ARPC1A: variants seen among roughly 807,000 people sequenced by gnomAD.
The protein encoded by ARPC1A is actin-related protein 2/3 complex subunit 1A.
Under a neutral mutation model 46.9 loss-of-function variants are expected in ARPC1A, and 8 were observed. The ratio of observed to expected loss-of-function variants is 0.17; its 90% CI spans 0.10 to 0.31. The LOEUF (loss-of-function observed/expected upper bound fraction) is 0.31. Among genes scored for constraint, ARPC1A ranks in the 10% least tolerant of loss-of-function variants. The pLI is 1.00. For synonymous variants in ARPC1A, 152 were observed against 169.0 expected (o/e 0.90, Z 0.78); for missense variants, 286 against 483.6 (o/e 0.59, Z 3.83).
chr7:99,345,383 C>T (rs1584380098), intron 4 of ARPC1A, among the ~76,000 whole-genome samples: 1 of 152,128 alleles, frequency 6.6e-6, no homozygotes, highest in South Asian at 2.1e-4. Context: ...CTGACCCAGT[C>T]AAAACACAGG....
chr7:99,341,491 C>A lies in ARPC1A; in HGVS notation c.170-2802C>A, dbSNP rs549456130. Among the ~76,000 whole-genome samples, 149 of 152,008 alleles carry A rather than the reference C, an allele frequency of 9.8e-4. 1 individual carries two copies. The highest frequency in any genetic ancestry group is 3.4e-3 in the African/African-American group (142 of 41,462). On this transcript the variant is annotated intron_variant, in intron 3 of 9. Transcript: ENST00000262942. ...GGGCGTGGTGGCACATGCCTGTAAT[C>A]CCAGCTACTCAGGAGGCTGAGGCAG... is the stretch of plus-strand genomic sequence containing the variant.
chr7:99,334,263 G>A (rs1793202053), intron 2 of ARPC1A, among the ~76,000 whole-genome samples: 1 of 152,004 alleles, frequency 6.6e-6, no homozygotes, highest in Non-Finnish European at 1.5e-5. Context: ...TCAGGAGGCT[G>A]TGGCAGGAAA....
At chr7:99,356,668 G>A (rs180677484) in intron 6 of ARPC1A, among the ~76,000 whole-genome samples, 16,494 of 151,494 alleles carry the variant, frequency 0.11, 2,340 homozygotes, top group African/African-American at 0.33. Flanking sequence ...TTGGGAGGCC[G>A]AGGCGGGCGG....
intron 1 of ARPC1A, among the ~76,000 whole-genome samples, chr7:99,333,028 C>T (rs1395975040): frequency 1.3e-5 from 2 of 152,100 alleles, no homozygotes; most frequent in Non-Finnish European, 2.9e-5. Context: ...TCCCGAGTAG[C>T]TGGAACTAGA....
intron 8 of ARPC1A, among the ~76,000 whole-genome samples, chr7:99,362,498 A>AT (rs565535347): frequency 0.13 from 17,207 of 132,124 alleles, 3,061 homozygotes; most frequent in African/African-American, 0.41. Flanking sequence ...TGCCTGGCTA[A>AT]TTTTTTTTTT....
intron 2 of ARPC1A, among the ~76,000 whole-genome samples, chr7:99,334,870 G>A (rs1048655014): frequency 6.6e-6 from 1 of 151,242 alleles, no homozygotes; most frequent in African/African-American, 2.4e-5. Context: ...TTGAGACGCA[G>A]TCTCGCTCTG....
At chr7:99,353,174 T>G (rs1793575265) in intron 5 of ARPC1A, among the ~76,000 whole-genome samples, 1 of 151,548 alleles carries the variant, frequency 6.6e-6, no homozygotes, top group African/African-American at 2.4e-5. Flanking sequence ...TTATGTTATT[T>G]TAGAGACGGT....
At chr7:99,357,138 A>G (rs1793649605) in intron 6 of ARPC1A, among the ~76,000 whole-genome samples, 1 of 152,128 alleles carries the variant, frequency 6.6e-6, no homozygotes, top group African/African-American at 2.4e-5. Flanking sequence ...GTAAGTTCTT[A>G]GCATACACTT....
At chr7:99,338,415 TC>T in intron 3 of ARPC1A, 130 bp downstream of exon 3, 2 of 517,810 alleles carry the variant, frequency 3.9e-6, no homozygotes, top group Non-Finnish European at 6.3e-6. Flanking sequence ...AGAAGGAGTA[TC>T]ACTCTTTCGC....
At position 99,330,850 on chromosome 7, in the gene ARPC1A, G is replaced by A. The variant is rs545976135; in HGVS notation, c.-29-2475G>A. On this transcript the variant is annotated intron_variant, in intron 1 of 9. Transcript: ENST00000262942. The stretch of plus-strand genomic sequence containing the variant: ...GAGGGTGCCTCCTGGAAATGATAAA[G>A]TTGGGGGTAGAGGAAGGCTGGCTGC... Among the ~76,000 whole-genome samples, 11 of 152,290 alleles carry A rather than the reference G, an allele frequency of 7.2e-5. 1 individual carries two copies. In the South Asian group the frequency reaches 2.3e-3, roughly 32 times the overall value.
Position 99,333,329 on chromosome 7 carries a change from C to G in ARPC1A, c.-25C>G, listed in dbSNP as rs368202866. On this transcript the variant is annotated 5_prime_UTR_variant, in exon 2 of 10. Transcript: ENST00000262942. ...TTTTGTTATTGTTCATTGCAGCTTT[C>G]TCTCCTTTGAAAACACTAAGAATAA... 13 of 1,602,050 alleles carry G rather than the reference C, an allele frequency of 8.1e-6. No homozygotes were observed. The highest frequency in any genetic ancestry group is 1.1e-5 in the Non-Finnish European group (13 of 1,170,092).
At chr7:99,359,040 C>T (rs1396501889) in intron 7 of ARPC1A, among the ~76,000 whole-genome samples, 2 of 147,216 alleles carry the variant, frequency 1.4e-5, no homozygotes, top group African/African-American at 5.0e-5. Context: ...ACCATGTTAG[C>T]CAGGATGGTC....
intron 1 of ARPC1A, among the ~76,000 whole-genome samples, chr7:99,332,169 G>C (rs1211745010): frequency 6.6e-6 from 1 of 152,184 alleles, no homozygotes; most frequent in African/African-American, 2.4e-5. Context: ...GAGTAAATAT[G>C]TTTGGCATAG....
At chr7:99,326,201 C>G (rs912870911) in intron 1 of ARPC1A, among the ~76,000 whole-genome samples, 197 bp downstream of exon 1, 15 of 152,176 alleles carry the variant, frequency 9.9e-5, no homozygotes, top group Admixed American at 5.9e-4. Flanking sequence ...CAGCTTTTCT[C>G]AGGATGTTCG....
chr7:99,359,891 G>A (rs1356275431), intron 8 of ARPC1A, 153 bp downstream of exon 8: 16 of 883,744 alleles, frequency 1.8e-5, no homozygotes, highest in South Asian at 5.1e-5. Flanking sequence ...CTTCCCGACC[G>A]CCAGGCTCTC....
intron 2 of ARPC1A, among the ~76,000 whole-genome samples, chr7:99,337,547 C>G (rs1793277200): frequency 6.6e-6 from 1 of 152,140 alleles, no homozygotes; most frequent in African/African-American, 2.4e-5. Context: ...CAGATTTCAG[C>G]TTTTCAGATT....
chr7:99,333,443 T>C (rs1054641261), intron 2 of ARPC1A, 26 bp downstream of exon 2: 8 of 1,597,296 alleles, frequency 5.0e-6, no homozygotes, highest in Admixed American at 1.7e-5. Flanking sequence ...ACTTTGCTTT[T>C]GTATTTTGGT....
At position 99,338,378 on chromosome 7, in the gene ARPC1A, A is replaced by ATTTTTTT. The variant is rs754747240; in HGVS notation, c.169+112_169+118dup. The ATTTTTTT allele has an allele frequency of 2.6e-3, 641 of 242,986 alleles. 49 individuals carry two copies. The highest frequency in any genetic ancestry group is 0.026 in the African/African-American group (548 of 21,050). The allele number at this position is 242,986 out of a possible 1,614,324, so 15.1% of individuals were successfully genotyped here. Reference sequence around the variant, plus strand: ...AGCCTAATAAACCCAGGTGGCCATAATTTTTTTTTTTTTTTTTTTTTTTTT... The same window carrying ATTTTTTT: ...AGCCTAATAAACCCAGGTGGCCATAATTTTTTTTTTTTTTTTTTTTTTTTTTTTTTTT... On this transcript the variant is annotated intron_variant, in intron 3 of 9. Transcript: ENST00000262942.
At chr7:99,365,745 C>T in intron 9 of ARPC1A, 146 bp from the exon 10 acceptor site, 1 of 842,464 alleles carries the variant, frequency 1.2e-6, no homozygotes, top group Non-Finnish European at 1.9e-6. Flanking sequence ...CGGGGTGAGT[C>T]CTGGGAGATC....
Sources: gnomAD v4.1 joint callset for allele counts (sites outside exome capture counted in the v4.1 genomes callset) on GRCh38, gnomAD v4.1.1 for gene constraint, MANE v1.5 for transcripts, NCBI Gene and HGNC (gene_info 2026-07-23, HGNC 2026-07-21) for gene names.